The following CXADR variants were observed in gnomAD, a reference collection of about 807,000 sequenced individuals.
CXADR encodes the protein CXADR cell adhesion molecule.
CXADR carries 20 observed loss-of-function variants against 40.3 expected under a neutral mutation model. The ratio of observed to expected loss-of-function variants is 0.50; its 90% confidence interval spans 0.35 to 0.72. The LOEUF (loss-of-function observed/expected upper bound fraction) is 0.72, where lower values mean the gene tolerates loss of function less well. Among genes scored for constraint, CXADR ranks in the 30% least tolerant of loss-of-function variants. The pLI, the probability that CXADR is intolerant of heterozygous loss-of-function variation, is 0.01. For synonymous variants in CXADR, 150 were observed against 161.3 expected (o/e 0.93, Z 0.53); for missense variants, 332 against 449.1 (o/e 0.74, Z 2.36).
chr21:17,575,732 A>T (rs113926692), intron 7 of CXADR, among the ~76,000 whole-genome samples: 1,756 of 150,224 alleles, frequency 0.012, 25 homozygotes, highest in African/African-American at 0.04. Context: ...TGACCTCGTG[A>T]TCCACCCACC....
At position 17,585,655 on chromosome 21, in the gene CXADR, T is replaced by C. The variant is rs570136320; in HGVS notation, c.1018-7497T>C. On this transcript the variant is annotated intron_variant, in intron 7 of 7. Transcript: ENST00000400169. ...GCCTCAGCCTCCTGAGTAGCTGGGA[T>C]TACAGGCGCGTGCCACTACGCCCAG... 1.7e-3 allele frequency among the ~76,000 whole-genome samples: 265 copies of C among 152,192 alleles called. 2 individuals are homozygous for C. Among genetic ancestry groups the C allele is most frequent in the African/African-American group, 5.8e-3 (239 of 41,536 alleles).
the CXADR span, among the ~76,000 whole-genome samples, chr21:17,599,772 G>A: frequency 6.6e-6 from 1 of 152,064 alleles, no homozygotes; most frequent in Non-Finnish European, 1.5e-5. Flanking sequence ...GAGCCATCAC[G>A]CCCAGCCCCA....
chr21:17,625,949 C>T, the CXADR span, among the ~76,000 whole-genome samples: 4 of 152,200 alleles, frequency 2.6e-5, no homozygotes, highest in Admixed American at 6.5e-5. Context: ...TTGCCTCCAT[C>T]TGCACTGAGC....
chr21:17,567,461 C>G lies in CXADR; in HGVS notation c.*1769C>G. The stretch of plus-strand genomic sequence containing the variant: ...TGAATTTCTGGTGCCTATGAGCTAG[C>G]TATCACCTACCTGAAAGGTGCTTAG... On this transcript the variant is annotated 3_prime_UTR_variant, in exon 7 of 7. Transcript: ENST00000284878. 3 of 985,306 alleles carry G rather than the reference C, an allele frequency of 3.0e-6. No homozygotes were observed. Among genetic ancestry groups the G allele is most frequent in the Non-Finnish European group, 3.6e-6 (3 of 829,820 alleles). The allele number at this position is 985,306 out of a possible 1,614,324, so 61.0% of individuals were successfully genotyped here.
intron 7 of CXADR, among the ~76,000 whole-genome samples, chr21:17,586,023 G>C (rs1397236292): frequency 6.6e-6 from 1 of 152,088 alleles, no homozygotes; most frequent in African/African-American, 2.4e-5. Context: ...TATTCTTTGC[G>C]AATATAGTAT....
chr21:17,518,916 C>G lies in CXADR; in HGVS notation c.43+5744C>G. ...CATCAGCCATGGCTGTTTTATGTAC[C>G]ACCTTCTTTCTGCGAGCTGTACCCT... On this transcript the variant is annotated intron_variant, in intron 1 of 6. Coordinates refer to ENST00000284878, the MANE Select transcript of CXADR (RefSeq NM_001338.5). 3.8e-6 allele frequency: 6 copies of G among 1,590,076 alleles called. No homozygotes were observed. In the South Asian group the frequency reaches 5.5e-5, roughly 15 times the overall value.
In CXADR at chr21:17,561,512, C is replaced by T. The variant is rs760771144; in HGVS notation, c.833+36C>T. ...GAGACAGGAGTTGACTGATGTATAC[C>T]AAATATATGTCATTTCTCTAAAGCA... On this transcript the variant is annotated intron_variant, in intron 6 of 6. Coordinates refer to ENST00000284878, the MANE Select transcript of CXADR (RefSeq NM_001338.5). The T allele has an allele frequency of 3.9e-6, 6 of 1,537,030 alleles. No individual in the cohort carries two copies. The East Asian group carries it at 1.4e-4, about 35-fold the overall frequency.
chr21:17,599,105 CA>C, the CXADR span: 4 of 314,244 alleles, frequency 1.3e-5, no homozygotes, highest in South Asian at 8.5e-5. Flanking sequence ...TTTAAAACAT[CA>C]AAAAAAGTCC....
intron 1 of CXADR, chr21:17,527,021 T>C (rs1264345854): frequency 1.3e-5 from 2 of 152,266 alleles, no homozygotes; most frequent in Non-Finnish European, 2.9e-5. Context: ...GCCTTACCCA[T>C]AATGCAAAAT....
At chr21:17,574,177 C>G (rs957254076), downstream of CXADR, among the ~76,000 whole-genome samples, 2 of 152,212 alleles carry the variant, frequency 1.3e-5, no homozygotes, top group African/African-American at 4.8e-5. Flanking sequence ...TTCCCAGTTT[C>G]TGTCCCCACT....
exon 8 of CXADR, chr21:17,593,228 ATTT>A: frequency 7.2e-7 from 1 of 1,380,718 alleles, no homozygotes; most frequent in East Asian, 2.7e-5. Context: ...GTATTGTATT[ATTT>A]GACTTTATTT....
At chr21:17,618,569 GCT>G in the CXADR span, among the ~76,000 whole-genome samples, 7 of 151,668 alleles carry the variant, frequency 4.6e-5, no homozygotes, top group South Asian at 1.5e-3. Flanking sequence ...ATGGAATCTT[GCT>G]CTGTCGCCCA....
chr21:17,564,583 A>G (rs1225580311), intron 6 of CXADR, among the ~76,000 whole-genome samples: 1 of 152,112 alleles, frequency 6.6e-6, no homozygotes, highest in Non-Finnish European at 1.5e-5. Flanking sequence ...GTGGAGGGCC[A>G]GTTGAGCTCT....
In CXADR at chr21:17,565,541, C is replaced by T. The variant is rs138470268; in HGVS notation, c.947C>T (p.Thr316Ile). Residue 316 changes from threonine to isoleucine, a missense_variant, in exon 7 of 7, where the codon ACT becomes ATT. Physicochemically the swap from Thr to Ile is moderately conservative, Grantham distance 89. Around this residue, in one of 3 missense-constraint regions of CXADR, gnomAD observed 150 missense variants for 194.2 expected, o/e 0.77. Transcript: ENST00000284878. ...SPSNMEGYSK[T>I]QYNQVPSEDF... ...TCCAACATGGAAGGATATTCCAAGA[C>T]TCAGTATAACCAAGTACCAAGTGAA... 14 of 1,613,790 alleles carry T rather than the reference C, an allele frequency of 8.7e-6. No homozygotes were observed. Among genetic ancestry groups the T allele is most frequent in the Non-Finnish European group, 1.1e-5 (13 of 1,179,856 alleles).
In CXADR at chr21:17,558,996, T is replaced by G; in HGVS notation, c.436T>G (p.Cys146Gly). The change falls in exon 4 of 7, where the codon TGT becomes GGT. Residue 146 changes from cysteine (C) to glycine (G), a missense_variant. This residue lies in a region of CXADR where 162 missense variants were observed against 198.5 expected (regional missense o/e 0.82). Coordinates refer to ENST00000284878, the MANE Select transcript of CXADR (RefSeq NM_001338.5). Reference protein sequence around the residue: ...VVLVKPSGARCYVDGSEEIGS... With the variant: ...VVLVKPSGARGYVDGSEEIGS... ...TTCAGTTAAGCCTTCAGGTGCGAGA[T>G]GTTACGTTGATGGATCTGAAGAAAT... The G allele has an allele frequency of 6.2e-7, 1 of 1,612,906 alleles. No individual in the cohort carries two copies. The highest frequency in any genetic ancestry group is 8.5e-7 in the Non-Finnish European group (1 of 1,179,556).
At chr21:17,619,992 G>A in the CXADR span, among the ~76,000 whole-genome samples, 1 of 152,082 alleles carries the variant, frequency 6.6e-6, no homozygotes, top group African/African-American at 2.4e-5. Flanking sequence ...TGTTGTGGCT[G>A]GTTTGATCTT....
chr21:17,633,452 A>T, the CXADR span, among the ~76,000 whole-genome samples: 2 of 152,278 alleles, frequency 1.3e-5, no homozygotes, highest in East Asian at 3.9e-4. Flanking sequence ...CCAGCTACTC[A>T]GGAGGCTGAG....
intron 7 of CXADR, among the ~76,000 whole-genome samples, chr21:17,575,837 C>A (rs2061318410): frequency 6.6e-6 from 1 of 151,308 alleles, no homozygotes; most frequent in Non-Finnish European, 1.5e-5. Flanking sequence ...CCTGTAATCC[C>A]AGCACTTTGG....
chr21:17,629,995 C>T, the CXADR span, among the ~76,000 whole-genome samples: 1 of 152,022 alleles, frequency 6.6e-6, no homozygotes, highest in Non-Finnish European at 1.5e-5. Flanking sequence ...CCAGAATAAC[C>T]CAGGATGTCT....
Sources: allele counts gnomAD v4.1 joint callset (sites outside exome capture counted in the v4.1 genomes callset), GRCh38; gene constraint gnomAD v4.1.1; regional missense constraint gnomAD v4.1.1; transcripts MANE v1.5; gene names NCBI Gene and HGNC (gene_info 2026-07-23, HGNC 2026-07-21).